Variants in GUSB observed in about 807,000 individuals in gnomAD.
GUSB encodes the protein glucuronidase beta.
GUSB carries 51 observed loss-of-function variants against 74.6 expected under a neutral mutation model. The observed-to-expected ratio is 0.68, with a 90% CI of 0.55 to 0.86. The LOEUF (loss-of-function observed/expected upper bound fraction) is 0.86, where lower values mean the gene tolerates loss of function less well. Ranked by LOEUF, GUSB falls within the 40% of genes least tolerant of loss-of-function variation. GUSB has a pLI of 0.00. For synonymous variants in GUSB, 360 were observed against 348.3 expected, an observed-to-expected ratio of 1.03 and a Z score of -0.37; for missense variants, 736 against 853.7, an observed-to-expected ratio of 0.86 and a Z score of 1.72.
intron 8 of GUSB, among the ~76,000 whole-genome samples, chr7:65,972,013 T>C (rs979589997): frequency 1.2e-4 from 18 of 152,146 alleles, no homozygotes; most frequent in Middle Eastern, 3.4e-3. Context: ...CACTCCAGCC[T>C]GGGCAACAAG....
At chr7:65,973,596 A>G (rs1791360553) in intron 8 of GUSB, among the ~76,000 whole-genome samples, 1 of 151,860 alleles carries the variant, frequency 6.6e-6, no homozygotes, top group South Asian at 2.1e-4. Context: ...ATAAAAAGGA[A>G]AAAAGGAAAA....
At chr7:65,979,678 G>A in intron 3 of GUSB, 49 bp downstream of exon 3, 3 of 1,595,376 alleles carry the variant, frequency 1.9e-6, no homozygotes, top group Non-Finnish European at 1.7e-6. Flanking sequence ...AAGACCACAG[G>A]GTGGGGCGGG....
At chr7:65,980,031 G>A in intron 2 of GUSB, 120 bp from the exon 3 acceptor site, 1 of 982,464 alleles carries the variant, frequency 1.0e-6, no homozygotes, top group East Asian at 2.6e-5. Flanking sequence ...CAGCCAGACG[G>A]GAAGAATGAC....
chr7:65,969,945 A>C (rs1791084200), intron 9 of GUSB, among the ~76,000 whole-genome samples: 1 of 152,188 alleles, frequency 6.6e-6, no homozygotes, highest in Non-Finnish European at 1.5e-5. Context: ...CCTTGGATTG[A>C]GAAAGCCACA....
At chr7:65,970,025 C>T (rs963933534) in intron 9 of GUSB, among the ~76,000 whole-genome samples, 21 of 152,042 alleles carry the variant, frequency 1.4e-4, no homozygotes, top group Non-Finnish European at 2.8e-4. Flanking sequence ...AGACTGGCTG[C>T]GGCCGGGGTG....
In GUSB at chr7:65,980,093, C is replaced by CCAGGG. The variant is rs1554312065; in HGVS notation, c.396+126_396+130dup. ...TATCCCCCTATACAGGGCACAGCCC[C>CCAGGG]CAGGGCAGGGCAGGGCAGGACCCCC... On this transcript the variant is annotated intron_variant, in intron 2 of 11. Coordinates refer to ENST00000304895, the MANE Select transcript of GUSB (RefSeq NM_000181.4). 16 of 1,025,224 alleles carry CCAGGG rather than the reference C, an allele frequency of 1.6e-5. No individual in the cohort carries two copies. The Admixed American group carries it at 1.8e-4, about 12-fold the overall frequency. 63.5% of individuals were successfully genotyped at this position (1,025,224 alleles called of 1,614,324 possible). A position where few individuals can be genotyped will look rare whatever the true frequency, so the allele number is the denominator to read the frequency against.
chr7:65,965,431 A>G (rs894929352), intron 10 of GUSB, among the ~76,000 whole-genome samples: 1 of 152,192 alleles, frequency 6.6e-6, no homozygotes, highest in African/African-American at 2.4e-5. Flanking sequence ...AAATCAATTC[A>G]GTTATCCTAG....
At chr7:65,963,644 C>G (rs1790645897) in intron 11 of GUSB, among the ~76,000 whole-genome samples, 1 of 152,186 alleles carries the variant, frequency 6.6e-6, no homozygotes, top group Admixed American at 6.6e-5. Flanking sequence ...CTCCTGTGCT[C>G]AGGTTATCCG....
chr7:65,978,468 A>G (rs1416196997), intron 4 of GUSB, among the ~76,000 whole-genome samples: 2 of 151,068 alleles, frequency 1.3e-5, no homozygotes, highest in Non-Finnish European at 3.0e-5. Context: ...AACAAAAACA[A>G]AAAAAACAGG....
Position 65,972,933 on chromosome 7 carries a change from G to C in GUSB, c.1391+1362C>G, listed in dbSNP as rs544348011. ...TCAGCCCAAAGCACTGCATGAAATT[G>C]GGGTGTGCTGTATGAGTCAAGAGGC... On this transcript the variant is annotated intron_variant, in intron 8 of 11. Coordinates refer to ENST00000304895, the MANE Select transcript of GUSB (RefSeq NM_000181.4). 6.6e-5 allele frequency among the ~76,000 whole-genome samples: 10 copies of C among 152,314 alleles called. No homozygotes were observed. In the South Asian group the frequency reaches 2.1e-3, roughly 32 times the overall value.
chr7:65,974,061 C>A (rs1791393069), intron 8 of GUSB, among the ~76,000 whole-genome samples: 1 of 152,014 alleles, frequency 6.6e-6, no homozygotes, highest in African/African-American at 2.4e-5. Context: ...CACCCCACTG[C>A]ACTCCAGCCT....
rs370377190 is a variant in GUSB at position 65,974,501 on chromosome 7, G to A, written c.1244+25C>T. ...GTGACGCCCCCGGGCTGGGCAGGCG[G>A]AGCAGGTGCACAGCAGAGACTCACG... is the stretch of plus-strand genomic sequence containing the variant. On this transcript the variant is annotated intron_variant, in intron 7 of 11. Coordinates refer to ENST00000304895, the MANE Select transcript of GUSB (RefSeq NM_000181.4). 6.9e-5 allele frequency: 112 copies of A among 1,614,110 alleles called. 1 individual carries two copies. In the East Asian group the frequency reaches 1.7e-3, roughly 25 times the overall value.
Position 65,979,511 on chromosome 7 carries a change from T to C in GUSB, c.612A>G (p.Thr204=), listed in dbSNP as rs781604428. The change falls in exon 4 of 12, where the codon ACA becomes ACG. Residue 204 remains threonine (T), a synonymous_variant. Coordinates refer to ENST00000304895, the MANE Select transcript of GUSB (RefSeq NM_000181.4). ...KYPKGYFVQN[T]YFDFFNYAGL... Reference sequence around the variant, plus strand: ...CAGCGTAGTTGAAAAAGTCAAAATATGTGTTCTGGACAAAGTAACCCTTGG... The same window carrying C: ...CAGCGTAGTTGAAAAAGTCAAAATACGTGTTCTGGACAAAGTAACCCTTGG... The C allele has an allele frequency of 1.9e-6, 3 of 1,613,996 alleles. No homozygotes were observed. The highest frequency in any genetic ancestry group is 2.7e-5 in the African/African-American group (2 of 74,910).
rs772676579 is a variant in GUSB at position 65,982,015 on chromosome 7, G to C, written c.169C>G (p.Arg57Gly). 107 of 1,609,872 alleles carry C rather than the reference G, an allele frequency of 6.6e-5. No homozygotes were observed. In the African/African-American group the frequency reaches 8.2e-4, roughly 12 times the overall value. Residue 57 changes from arginine to glycine, a missense_variant, in exon 1 of 12, where the codon CGG (arginine) becomes GGG (glycine). By Grantham distance (125) the Arg-to-Gly change is moderately radical. Around this residue, in one of 2 missense-constraint regions of GUSB, gnomAD observed 368 missense variants for 363.8 expected, o/e 1.01. Transcript: ENST00000304895. The stretch of plus-strand genomic sequence containing the variant: ...CGGTACCACTGCTCCTCGAAGCCCC[G>C]GCGTCGGTTGTCAGAGAAGTCGGCG... ...FRADFSDNRR[R>G]GFEEQWYRRP...
At chr7:65,967,709 C>T in intron 10 of GUSB, 22 bp downstream of exon 10, 1 of 1,605,176 alleles carries the variant, frequency 6.2e-7, no homozygotes, top group Non-Finnish European at 8.5e-7. Flanking sequence ...AACACACAAG[C>T]AGAAAGCTCA....
At chr7:65,981,717 T>C (rs1458198094) in intron 1 of GUSB, 4 of 424,304 alleles carry the variant, frequency 9.4e-6, no homozygotes, top group African/African-American at 4.1e-5. Flanking sequence ...AAAGGAAGGA[T>C]ACTGCACAGA....
At chr7:65,980,185 G>GGGGGGGGCCCCCCCCC in intron 2 of GUSB, 39 bp downstream of exon 2, 2 of 725,274 alleles carry the variant, frequency 2.8e-6, no homozygotes, top group Non-Finnish European at 4.9e-6. Context: ...CAGCAGCCGT[G>GGGGGGGGCCCCCCCCC]CCCCCCCACC....
intron 1 of GUSB, among the ~76,000 whole-genome samples, chr7:65,981,213 T>A (rs1476961679): frequency 1.5e-5 from 2 of 131,606 alleles, no homozygotes; most frequent in Non-Finnish European, 3.1e-5. Flanking sequence ...ATCTTTTTTT[T>A]TTTTTTAAGT....
intron 9 of GUSB, among the ~76,000 whole-genome samples, chr7:65,969,431 C>T (rs1206984527): frequency 1.3e-5 from 2 of 151,990 alleles, no homozygotes; most frequent in East Asian, 3.9e-4. Flanking sequence ...GGCACTGCAA[C>T]TCATGCCTGT....
Sources: gnomAD v4.1 joint callset for allele counts (sites outside exome capture counted in the v4.1 genomes callset) on GRCh38, gnomAD v4.1.1 for gene constraint, gnomAD v4.1.1 regional missense constraint, MANE v1.5 for transcripts, NCBI Gene and HGNC (gene_info 2026-07-23, HGNC 2026-07-21) for gene names.